Variants in CD109 observed in about 807,000 individuals in gnomAD.
CD109 encodes the protein CD109 antigen.
CD109 carries 149 observed loss-of-function variants against 165.8 expected under a neutral mutation model. The observed-to-expected ratio is 0.90, with a 90% CI of 0.79 to 1.03. The LOEUF (loss-of-function observed/expected upper bound fraction) is 1.03. Ranked by LOEUF, CD109 falls within the 50% of genes least tolerant of loss-of-function variation. The pLI, the probability that CD109 is intolerant of heterozygous loss-of-function variation, is 0.00. For missense variants in CD109, 1,712 were observed against 1,677.8 expected, an observed-to-expected ratio of 1.02 and a Z score of -0.36; for synonymous variants, 585 against 592.1, an observed-to-expected ratio of 0.99 and a Z score of 0.18.
chr6:73,824,628 G>A lies in CD109; in HGVS notation c.*995G>A, dbSNP rs1776216798. 3 of 152,290 alleles carry A rather than the reference G, an allele frequency of 2.0e-5. No homozygotes were observed. In the South Asian group the frequency reaches 6.2e-4, roughly 32 times the overall value. The allele number at this position is 152,290 out of a possible 1,614,324, so 9.4% of individuals were successfully genotyped here. A position where few individuals can be genotyped will look rare whatever the true frequency, so the allele number is the denominator to read the frequency against. On this transcript the variant is annotated 3_prime_UTR_variant, in exon 33 of 33. Coordinates refer to ENST00000287097, the MANE Select transcript of CD109 (RefSeq NM_133493.5). ...CCTGGCATTGGCCAGGGATCCTGTG[G>A]AACCTCTTCTAGTTCAGGGGTGTGA...
intron 4 of CD109, among the ~76,000 whole-genome samples, chr6:73,732,906 T>C (rs1411936217): frequency 6.6e-6 from 1 of 152,202 alleles, no homozygotes; most frequent in Non-Finnish European, 1.5e-5. Context: ...GGTACTGATA[T>C]GACTCTCTTG....
intron 25 of CD109, among the ~76,000 whole-genome samples, chr6:73,807,328 A>C (rs1222795927): frequency 1.3e-5 from 2 of 152,246 alleles, no homozygotes; most frequent in Non-Finnish European, 2.9e-5. Flanking sequence ...TGCTATTGGT[A>C]AGATAAGTCA....
chr6:73,792,310 T>C (rs1001478649), intron 22 of CD109, among the ~76,000 whole-genome samples: 1 of 152,206 alleles, frequency 6.6e-6, no homozygotes, highest in African/African-American at 2.4e-5. Flanking sequence ...TGATGGTGTC[T>C]TACTGATCAA....
intron 23 of CD109, among the ~76,000 whole-genome samples, chr6:73,794,851 G>A (rs562255604): frequency 2.2e-4 from 34 of 152,164 alleles, no homozygotes; most frequent in Middle Eastern, 3.4e-3. Flanking sequence ...AGTTGCCCAT[G>A]TAAAATTATC....
In CD109 at chr6:73,768,102, A is replaced by G. The variant is rs370060598; in HGVS notation, c.1545A>G (p.Thr515=). Reference sequence around the variant, plus strand: ...TGGCTGTAGGAAAACAAAATTCAACAATGTTCTCTTTAACACCAGAAAATT... The same window carrying G: ...TGGCTGTAGGAAAACAAAATTCAACGATGTTCTCTTTAACACCAGAAAATT... ...QLVAVGKQNS[T]MFSLTPENSW... The change falls in exon 14 of 33, where the codon ACA becomes ACG. Residue 515 remains threonine, a synonymous_variant. Transcript: ENST00000287097. 9 of 1,613,516 alleles carry G rather than the reference A, an allele frequency of 5.6e-6. No homozygotes were observed. The highest frequency in any genetic ancestry group is 6.8e-6 in the Non-Finnish European group (8 of 1,179,614).
At chr6:73,700,790 G>GTTTTTTTTTTTTTTTTT (rs58140668) in intron 2 of CD109, among the ~76,000 whole-genome samples, 1 of 51,448 alleles carries the variant, frequency 1.9e-5, no homozygotes. Flanking sequence ...ATTGATTGTA[G>GTTTTTTTTTTTTTTTTT]TTTTTTTTTT....
intron 23 of CD109, among the ~76,000 whole-genome samples, chr6:73,797,253 A>G (rs997766): frequency 0.038 from 5,833 of 152,326 alleles, 465 homozygotes; most frequent in East Asian, 0.3. Flanking sequence ...TGGAACCATA[A>G]CATGAAAACT....
At chr6:73,791,202 T>TATACACATACAC (rs1199843383) in intron 22 of CD109, among the ~76,000 whole-genome samples, 1 of 123,548 alleles carries the variant, frequency 8.1e-6, no homozygotes, top group African/African-American at 3.3e-5. Context: ...CATATATATA[T>TATACACATACAC]ATATATATAT....
Position 73,808,103 on chromosome 6 carries a change from G to C in CD109, c.3210G>C (p.Glu1070Asp). The change falls in exon 26 of 33, where the codon GAG (glutamate) becomes GAC (aspartate). Residue 1070 changes from glutamate (E) to aspartate (D), a missense_variant. Coordinates refer to ENST00000287097, the MANE Select transcript of CD109 (RefSeq NM_133493.5). ...CCAAGCCTAACATTGATGTGCAAGA[G>C]TCTATCCATTTTTTGGAGTCTGAAT... is the stretch of plus-strand genomic sequence containing the variant. ...RKYQPNIDVQ[E>D]SIHFLESEFS... The C allele has an allele frequency of 1.2e-6, 2 of 1,613,140 alleles. No homozygotes were observed. Among genetic ancestry groups the C allele is most frequent in the Non-Finnish European group, 1.7e-6 (2 of 1,179,504 alleles).
At chr6:73,717,424 A>AT (rs1328259818) in intron 2 of CD109, among the ~76,000 whole-genome samples, 1 of 151,416 alleles carries the variant, frequency 6.6e-6, no homozygotes, top group Non-Finnish European at 1.5e-5. Flanking sequence ...ATATCTTTTC[A>AT]TTTTTTTGGT....
chr6:73,687,419 A>T, the CD109 span, among the ~76,000 whole-genome samples: 1 of 144,880 alleles, frequency 6.9e-6, no homozygotes, highest in African/African-American at 2.6e-5. Context: ...TTTCACATGC[A>T]TGCTCTCTCT....
intron 27 of CD109, 107 bp from the exon 28 acceptor site, chr6:73,810,885 C>T (rs1775731537): frequency 9.0e-7 from 1 of 1,107,842 alleles, no homozygotes; most frequent in Non-Finnish European, 1.3e-6. Context: ...GAGCATTCCA[C>T]TCTGAAGGAA....
intron 7 of CD109, among the ~76,000 whole-genome samples, chr6:73,760,405 T>A (rs1773574630): frequency 2.3e-4 from 3 of 12,820 alleles, no homozygotes; most frequent in African/African-American, 3.0e-4. Flanking sequence ...GGACCCCGTC[T>A]CAAAAAAAAA....
At chr6:73,693,389 C>G (rs1330041230), upstream of CD109, among the ~76,000 whole-genome samples, 4 of 152,200 alleles carry the variant, frequency 2.6e-5, no homozygotes, top group Admixed American at 2.0e-4. Flanking sequence ...CCCCGACCCC[C>G]AGGGAGGACA....
At chr6:73,747,583 A>G (rs1252715411) in intron 5 of CD109, among the ~76,000 whole-genome samples, 2 of 152,220 alleles carry the variant, frequency 1.3e-5, no homozygotes, top group Non-Finnish European at 2.9e-5. Context: ...CCTCTCTGAG[A>G]GAACCTATAC....
the CD109 span, among the ~76,000 whole-genome samples, chr6:73,689,305 G>C: frequency 6.6e-6 from 1 of 152,192 alleles, no homozygotes; most frequent in African/African-American, 2.4e-5. Context: ...CTGAGTTTGT[G>C]ATTGGCATCT....
chr6:73,745,021 G>A (rs769338118), intron 5 of CD109, among the ~76,000 whole-genome samples: 1 of 152,066 alleles, frequency 6.6e-6, no homozygotes, highest in Non-Finnish European at 1.5e-5. Flanking sequence ...GTTGTGGGAG[G>A]GTCAGGACTA....
chr6:73,806,780 C>A, intron 24 of CD109, 64 bp from the exon 25 acceptor site: 1 of 1,129,056 alleles, frequency 8.9e-7, no homozygotes, highest in Non-Finnish European at 1.3e-6. Flanking sequence ...GTTTTGCTTG[C>A]TCGGTGTTAT....
chr6:73,730,285 TA>T lies in CD109; in HGVS notation c.277-55del, dbSNP rs1056014568. ...TACTTTTTTTATTCTAACTTGCAAT[TA>T]AAACATTTTTGAGGTAAAATAATGA... On this transcript the variant is annotated intron_variant, in intron 3 of 32. Transcript: ENST00000287097. 7.4e-6 allele frequency: 8 copies of T among 1,076,162 alleles called. No homozygotes were observed. In the African/African-American group the frequency reaches 9.5e-5, roughly 13 times the overall value. 66.7% of individuals were successfully genotyped at this position (1,076,162 alleles called of 1,614,324 possible).
Sources: allele counts gnomAD v4.1 joint callset (sites outside exome capture counted in the v4.1 genomes callset), GRCh38; gene constraint gnomAD v4.1.1; transcripts MANE v1.5; gene names NCBI Gene and HGNC (gene_info 2026-07-23, HGNC 2026-07-21).